IQSEC1: variants seen among roughly 807,000 people sequenced by gnomAD.
The protein encoded by IQSEC1 is IQ motif and Sec7 domain ArfGEF 1.
Under a neutral mutation model 91.0 loss-of-function variants are expected in IQSEC1, and 31 were observed. That is an observed-to-expected ratio of 0.34 (90% confidence interval 0.26 to 0.46). The LOEUF is 0.46. Among genes scored for constraint, IQSEC1 ranks in the 20% least tolerant of loss-of-function variants. IQSEC1 has a pLI of 1.00. For synonymous variants in IQSEC1, 699 were observed against 662.6 expected, an observed-to-expected ratio of 1.05 and a Z score of -0.84; for missense variants, 1,388 against 1,575.6, an observed-to-expected ratio of 0.88 and a Z score of 2.02.
At chr3:12,902,728 A>C in intron 13 of IQSEC1, 45 bp downstream of exon 13, 1 of 1,144,180 alleles carries the variant, frequency 8.7e-7, no homozygotes, top group South Asian at 1.2e-5. Flanking sequence ...GGACTGGGGA[A>C]GGCGACACAG....
intron 1 of IQSEC1, chr3:13,053,085 A>T (rs1704748378): frequency 9.9e-7 from 1 of 1,007,062 alleles, no homozygotes; most frequent in Non-Finnish European, 1.6e-6. Flanking sequence ...TTTCTTGGCC[A>T]GGAATCGCTT....
intron 2 of IQSEC1, among the ~76,000 whole-genome samples, chr3:13,097,484 G>A (rs1293719834): frequency 1.3e-5 from 2 of 152,148 alleles, no homozygotes; most frequent in Non-Finnish European, 1.5e-5. Flanking sequence ...CTGTGTTGGC[G>A]TCAACTTTCT....
Position 12,911,613 on chromosome 3 carries a change from C to T in IQSEC1, c.2416+16G>A, listed in dbSNP as rs1695566991. ...GGACATGCGCTCTTCCAGGCAGGCC[C>T]TGGGGGCAGACTTACACTGGTTCTC... On this transcript the variant is annotated intron_variant, in intron 10 of 13. Transcript: ENST00000613206. 1 of 1,595,268 alleles carries T rather than the reference C, an allele frequency of 6.3e-7. No homozygotes were observed. The highest frequency in any genetic ancestry group is 1.3e-5 in the African/African-American group (1 of 74,566).
intron 1 of IQSEC1, among the ~76,000 whole-genome samples, chr3:13,061,635 G>A (rs1199817230): frequency 6.6e-6 from 1 of 152,104 alleles, no homozygotes; most frequent in African/African-American, 2.4e-5. Flanking sequence ...GTCCGGTGGG[G>A]GTGCTGGGCT....
rs1326800871 is a variant in IQSEC1, at chr3:12,901,075, C to T, written c.3253G>A (p.Gly1085Arg). The T allele has an allele frequency of 1.9e-6, 3 of 1,540,828 alleles. No individual in the cohort carries two copies. The South Asian group carries it at 3.6e-5, about 18-fold the overall frequency. The stretch of plus-strand genomic sequence containing the variant: ...TGCCCATGGTGGTGCACTGTGTGCC[C>T]CACGTGGGCCGAGGGCAGCGGCGGG... ...GHPPLPSAHV[G>R]HTVHHHGQPP... The change falls in exon 14 of 14, where the codon GGG (glycine) becomes AGG (arginine). Residue 1085 changes from glycine to arginine, a missense_variant. By Grantham distance (125) the Gly-to-Arg change is moderately radical. Transcript: ENST00000613206.
intron 1 of IQSEC1, among the ~76,000 whole-genome samples, chr3:13,244,513 G>A (rs1013281596): frequency 2.6e-5 from 4 of 152,214 alleles, no homozygotes; most frequent in African/African-American, 9.7e-5. Context: ...AATGTCTGCT[G>A]AGTGGATTAA....
rs140111767 is a variant in IQSEC1 at position 12,905,349 on chromosome 3, C to T, written c.2756-2527G>A. Among the ~76,000 whole-genome samples, 233 of 152,380 alleles carry T rather than the reference C, an allele frequency of 1.5e-3. 1 individual carries two copies. Among genetic ancestry groups the T allele is most frequent in the African/African-American group, 5.5e-3 (227 of 41,596 alleles). On this transcript the variant is annotated intron_variant, in intron 12 of 13. Transcript: ENST00000613206. ...TGCTCTCCTGCCCACCCAGGATCCTCGTCCTGTGACCCTCAACAATGCTGT... is the reference window on the plus strand; with the variant it reads ...TGCTCTCCTGCCCACCCAGGATCCTTGTCCTGTGACCCTCAACAATGCTGT...
At chr3:13,090,635 C>T (rs953549558) in intron 2 of IQSEC1, among the ~76,000 whole-genome samples, 1 of 152,184 alleles carries the variant, frequency 6.6e-6, no homozygotes, top group Non-Finnish European at 1.5e-5. Context: ...CCACGCTGGG[C>T]TGAGAGACTC....
At chr3:12,943,543 G>A (rs1042651278) in intron 1 of IQSEC1, among the ~76,000 whole-genome samples, 28 of 152,188 alleles carry the variant, frequency 1.8e-4, no homozygotes, top group Non-Finnish European at 1.9e-4. Flanking sequence ...CCCACGGGCC[G>A]GGGTGGAGGT....
intron 1 of IQSEC1, among the ~76,000 whole-genome samples, chr3:13,274,619 C>T (rs1695646010): frequency 6.6e-6 from 1 of 152,232 alleles, no homozygotes; most frequent in African/African-American, 2.4e-5. Flanking sequence ...CCAAGTGTGT[C>T]CTGCATGAAT....
intron 2 of IQSEC1, among the ~76,000 whole-genome samples, chr3:13,149,019 CCT>C (rs999860238): frequency 4.6e-5 from 7 of 152,256 alleles, no homozygotes; most frequent in African/African-American, 1.7e-4. Context: ...GGCAGCATCC[CCT>C]GTCATCCTCC....
chr3:13,068,733 C>A (rs113090931), intron 1 of IQSEC1, among the ~76,000 whole-genome samples: 1 of 152,178 alleles, frequency 6.6e-6, no homozygotes, highest in Non-Finnish European at 1.5e-5. Flanking sequence ...CTGTCCCCTG[C>A]ACCCGGGGCC....
chr3:13,105,135 A>G (rs995691510), intron 2 of IQSEC1, among the ~76,000 whole-genome samples: 1 of 152,112 alleles, frequency 6.6e-6, no homozygotes, highest in Non-Finnish European at 1.5e-5. Context: ...AAGGTCTTTC[A>G]TGGTCTGGCC....
rs1694009135 is a variant in IQSEC1, at chr3:12,899,543, G to A, written c.*1440C>T. 4.0e-6 allele frequency: 6 copies of A among 1,514,136 alleles called. No homozygotes were observed. The highest frequency in any genetic ancestry group is 5.3e-6 in the Non-Finnish European group (6 of 1,121,740). 93.8% of individuals were successfully genotyped at this position (1,514,136 alleles called of 1,614,324 possible). On this transcript the variant is annotated 3_prime_UTR_variant, in exon 14 of 14. Transcript: ENST00000613206. The stretch of plus-strand genomic sequence containing the variant: ...ACACAGAAGCGACAAGAGCACAGCT[G>A]AGAGTCATGTGATGCCCTGGCAGCT...
intron 2 of IQSEC1, among the ~76,000 whole-genome samples, chr3:13,119,965 C>T (rs1706397174): frequency 6.6e-6 from 1 of 152,156 alleles, no homozygotes. Context: ...TCGAAGGTGG[C>T]CAACGCTGGA....
intron 9 of IQSEC1, 21 bp downstream of exon 9, chr3:12,913,407 C>A: frequency 1.9e-6 from 3 of 1,576,074 alleles, no homozygotes; most frequent in Non-Finnish European, 2.6e-6. Context: ...TGCTACAATG[C>A]CTTGTGGGTG....
At chr3:13,176,993 A>C (rs1032276302) in intron 1 of IQSEC1, among the ~76,000 whole-genome samples, 1 of 152,264 alleles carries the variant, frequency 6.6e-6, no homozygotes, top group African/African-American at 2.4e-5. Flanking sequence ...GAAATGTCCC[A>C]AACAGGTGAA....
At chr3:13,205,560 C>T (rs928235528) in intron 1 of IQSEC1, among the ~76,000 whole-genome samples, 1 of 150,812 alleles carries the variant, frequency 6.6e-6, no homozygotes, top group Non-Finnish European at 1.5e-5. Context: ...TCCATCCTTC[C>T]CTCCCTCTAC....
At chr3:13,116,499 A>C (rs562768898) in intron 2 of IQSEC1, among the ~76,000 whole-genome samples, 2 of 152,238 alleles carry the variant, frequency 1.3e-5, no homozygotes, top group Non-Finnish European at 2.9e-5. Context: ...AAGAACATAC[A>C]ATGGGGAAAG....
Sources: gnomAD v4.1 joint callset for allele counts (sites outside exome capture counted in the v4.1 genomes callset) on GRCh38, gnomAD v4.1.1 for gene constraint, MANE v1.5 for transcripts, NCBI Gene and HGNC (gene_info 2026-07-23, HGNC 2026-07-21) for gene names.